Variants in SFMBT2 observed in about 807,000 individuals in gnomAD.
The protein encoded by SFMBT2 is Scm like with four mbt domains 2, also known as scm-like with four MBT domains protein 2.
SFMBT2 carries 38 observed loss-of-function variants against 110.1 expected under a neutral mutation model. That is an observed-to-expected ratio of 0.35 (90% CI 0.27 to 0.45). The LOEUF is 0.45. SFMBT2 is among the 20% of genes least tolerant of loss of function. The pLI is 1.00. For synonymous variants in SFMBT2, 425 were observed against 425.4 expected (o/e 1.00, Z 0.01); for missense variants, 1,011 against 1,094.9 (o/e 0.92, Z 1.08).
At chr10:7,179,456 G>A (rs990685559) in intron 16 of SFMBT2, among the ~76,000 whole-genome samples, 5 of 147,500 alleles carry the variant, frequency 3.4e-5, no homozygotes, top group East Asian at 2.0e-4. Context: ...TATGTTCCTC[G>A]TGTTGTGGGA....
intron 10 of SFMBT2, 66 bp from the exon 11 acceptor site, chr10:7,220,603 A>C: frequency 1.3e-6 from 2 of 1,557,696 alleles, no homozygotes; most frequent in Admixed American, 1.7e-5. Context: ...GGGCAGATGA[A>C]GAAAGAGAAA....
chr10:7,190,178 G>A (rs896465929), intron 15 of SFMBT2, among the ~76,000 whole-genome samples: 13 of 152,138 alleles, frequency 8.5e-5, no homozygotes, highest in South Asian at 2.1e-4. Context: ...ATGACAAGGC[G>A]GTACCGGCAG....
intron 11 of SFMBT2, among the ~76,000 whole-genome samples, chr10:7,208,537 T>C (rs1012826667): frequency 4.0e-5 from 6 of 150,968 alleles, no homozygotes; most frequent in Non-Finnish European, 8.9e-5. Flanking sequence ...ATACAAAAAA[T>C]TAGCTGGGCA....
At chr10:7,248,398 C>T (rs1239178726) in intron 8 of SFMBT2, 150 bp downstream of exon 8, 5 of 631,896 alleles carry the variant, frequency 7.9e-6, no homozygotes, top group African/African-American at 7.4e-5. Context: ...TAAAGCAGCG[C>T]TGGACTGGAA....
rs1447444658 is a variant in SFMBT2, at chr10:7,301,172, A to G, written c.437-15218T>C. On this transcript the variant is annotated intron_variant, in intron 4 of 20. Coordinates refer to ENST00000397167, the MANE Select transcript of SFMBT2 (RefSeq NM_001387889.1). The surrounding 1 kb of genome is among the most constrained non-coding windows in gnomAD (Gnocchi z 4.2). ...GCCTGCAACGAACAGAAGTTCCTTC[A>G]CTGAAAGTCTCGGGGAAGGGAATAG... Among the ~76,000 whole-genome samples the G allele has an allele frequency of 6.6e-6, 1 of 152,216 alleles. No homozygotes were observed. The highest frequency in any genetic ancestry group is 1.5e-5 in the Non-Finnish European group (1 of 68,028).
At chr10:7,309,010 T>G (rs1842772995) in intron 4 of SFMBT2, among the ~76,000 whole-genome samples, 3 of 152,188 alleles carry the variant, frequency 2.0e-5, no homozygotes, top group African/African-American at 7.2e-5. Context: ...ACAGTTAATT[T>G]TATGTGTCAA....
Position 7,171,909 on chromosome 10 carries a change from G to T in SFMBT2, c.2401C>A (p.Pro801Thr), listed in dbSNP as rs994244782. ...CCGGGCATCACCTCTGTCCCCTCGG[G>T]CTTGGTCGGCGGGCACTTCTCCCCT... is the stretch of plus-strand genomic sequence containing the variant. ...EEGEKCPPTK[P>T]EGTEDTKQEE... The change falls in exon 19 of 21, where the codon CCC (proline) becomes ACC (threonine). Residue 801 changes from proline to threonine, a missense_variant. By Grantham distance (38) the Pro-to-Thr change is conservative (BLOSUM62 -1). Coordinates refer to ENST00000397167, the MANE Select transcript of SFMBT2 (RefSeq NM_001387889.1). This position sits in a 1 kb window ranked among gnomAD's most constrained non-coding sequence, Gnocchi z 4.9. The T allele has an allele frequency of 7.0e-6, 10 of 1,435,440 alleles. No individual in the cohort carries two copies. In the African/African-American group the frequency reaches 1.3e-4, roughly 19 times the overall value. 88.9% of individuals were successfully genotyped at this position (1,435,440 alleles called of 1,614,324 possible).
rs545509269 is a variant in SFMBT2 at position 7,180,750 on chromosome 10, C to T, written c.1809-4585G>A. On this transcript the variant is annotated intron_variant, in intron 16 of 20. Coordinates refer to ENST00000397167, the MANE Select transcript of SFMBT2 (RefSeq NM_001387889.1). ...TGCGGGAGGGACGCAGGGGGGAGGC[C>T]GTCGCATGTGGGGACAGCTGTTGGG... Among the ~76,000 whole-genome samples the T allele has an allele frequency of 1.4e-4, 21 of 152,154 alleles. 1 individual carries two copies. Among genetic ancestry groups the T allele is most frequent in the Admixed American group, 1.2e-3 (18 of 15,284 alleles).
At chr10:7,400,869 G>C (rs1026387700) in intron 1 of SFMBT2, among the ~76,000 whole-genome samples, 1 of 151,994 alleles carries the variant, frequency 6.6e-6, no homozygotes, top group Non-Finnish European at 1.5e-5. Flanking sequence ...GCGGTGGTTC[G>C]CGCCTGTAAT....
At chr10:7,355,934 G>C (rs938106661) in intron 4 of SFMBT2, among the ~76,000 whole-genome samples, 6 of 152,200 alleles carry the variant, frequency 3.9e-5, no homozygotes, top group African/African-American at 1.2e-4. Flanking sequence ...TCTTCACTCT[G>C]TAAAAAATTT....
At chr10:7,236,215 A>G (rs181098346) in intron 9 of SFMBT2, among the ~76,000 whole-genome samples, 10 of 152,284 alleles carry the variant, frequency 6.6e-5, no homozygotes, top group Non-Finnish European at 1.3e-4. Flanking sequence ...AAAAGATAAT[A>G]TAAGAAAATA....
At chr10:7,393,212 G>A (rs568825931) in intron 1 of SFMBT2, among the ~76,000 whole-genome samples, 6 of 151,428 alleles carry the variant, frequency 4.0e-5, no homozygotes, top group South Asian at 4.2e-4. Context: ...TGTATTTTTC[G>A]TAGAGACGGC....
At chr10:7,300,936 G>A (rs540508234) in intron 4 of SFMBT2, among the ~76,000 whole-genome samples, 3 of 152,296 alleles carry the variant, frequency 2.0e-5, no homozygotes, top group Non-Finnish European at 2.9e-5. Flanking sequence ...AAAACACACA[G>A]GCTGACTGTT....
intron 7 of SFMBT2, among the ~76,000 whole-genome samples, chr10:7,254,916 A>G (rs1414761417): frequency 6.6e-6 from 1 of 152,166 alleles, no homozygotes; most frequent in Admixed American, 6.5e-5. Flanking sequence ...ATATGATCTA[A>G]AAGGCAAAAC....
At position 7,386,351 on chromosome 10, in the gene SFMBT2, G is replaced by A. The variant is rs371545516; in HGVS notation, c.-51-4402C>T. 8.5e-5 allele frequency among the ~76,000 whole-genome samples: 13 copies of A among 152,238 alleles called. No individual in the cohort carries two copies. In the South Asian group the frequency reaches 1.2e-3, roughly 15 times the overall value. Reference sequence around the variant, plus strand: ...CGTATGTGGGCCAGGGGAGTGGTTCGCAATCCCAGAGCTTTGGGAGGCCAA... The same window carrying A: ...CGTATGTGGGCCAGGGGAGTGGTTCACAATCCCAGAGCTTTGGGAGGCCAA... On this transcript the variant is annotated intron_variant, in intron 1 of 20. Coordinates refer to ENST00000397167, the MANE Select transcript of SFMBT2 (RefSeq NM_001387889.1).
At chr10:7,216,672 T>C (rs1839553392) in intron 11 of SFMBT2, among the ~76,000 whole-genome samples, 1 of 152,166 alleles carries the variant, frequency 6.6e-6, no homozygotes, top group Non-Finnish European at 1.5e-5. Flanking sequence ...TAAGCAAAGT[T>C]TGTGGTCACC....
chr10:7,406,989 G>GT (rs532441200), intron 1 of SFMBT2, among the ~76,000 whole-genome samples: 106 of 146,892 alleles, frequency 7.2e-4, no homozygotes, highest in African/African-American at 2.1e-3. Flanking sequence ...GGTTGGCGGG[G>GT]GGGGAGGGAA....
chr10:7,163,715 A>C lies in SFMBT2; in HGVS notation c.*55T>G. ...CGGAAAATCAAAGTTTCAGTCCTGG[A>C]AACCTTTACCAACACCGCATCCCAG... On this transcript the variant is annotated 3_prime_UTR_variant, in exon 21 of 21. Transcript: ENST00000397167. The surrounding 1 kb of genome is among the most constrained non-coding windows in gnomAD (Gnocchi z 4.8). 6.6e-7 allele frequency: 1 copy of C among 1,515,454 alleles called. No homozygotes were observed. Among genetic ancestry groups the C allele is most frequent in the Non-Finnish European group, 9.1e-7 (1 of 1,099,318 alleles). The allele number at this position is 1,515,454 out of a possible 1,614,324, so 93.9% of individuals were successfully genotyped here.
At chr10:7,169,908 A>T (rs1837818512) in intron 20 of SFMBT2, among the ~76,000 whole-genome samples, 2 of 152,196 alleles carry the variant, frequency 1.3e-5, no homozygotes, top group African/African-American at 4.8e-5. Context: ...ATCGACTGTT[A>T]TTGCATTTGT....
Sources: gnomAD v4.1 joint callset for allele counts (sites outside exome capture counted in the v4.1 genomes callset) on GRCh38, gnomAD v4.1.1 for gene constraint, Gnocchi (gnomAD v3.1) non-coding constraint, MANE v1.5 for transcripts, NCBI Gene and HGNC (gene_info 2026-07-23, HGNC 2026-07-21) for gene names.